ZNF608: variants seen among roughly 807,000 people sequenced by gnomAD.
ZNF608 encodes renal carcinoma antigen NY-REN-36.
ZNF608 carries 12 observed loss-of-function variants against 109.0 expected under a neutral mutation model. The ratio of observed to expected loss-of-function variants is 0.11; its 90% CI spans 0.07 to 0.18. The LOEUF (loss-of-function observed/expected upper bound fraction) is 0.18. Ranked by LOEUF, ZNF608 falls within the 10% of genes least tolerant of loss-of-function variation. ZNF608 has a pLI of 1.00. For synonymous variants in ZNF608, 732 were observed against 717.4 expected, an observed-to-expected ratio of 1.02 and a Z score of -0.33; for missense variants, 1,707 against 1,879.3, an observed-to-expected ratio of 0.91 and a Z score of 1.70.
intron 9 of ZNF608, chr5:124,638,853 T>C (rs1043316875): frequency 2.6e-6 from 3 of 1,139,086 alleles, no homozygotes; most frequent in South Asian, 3.9e-5. Flanking sequence ...AAGGGAGTCA[T>C]GGTGAATTAT....
chr5:124,732,021 C>A (rs1187673973), intron 2 of ZNF608, among the ~76,000 whole-genome samples: 1 of 152,124 alleles, frequency 6.6e-6, no homozygotes, highest in East Asian at 1.9e-4. Context: ...CCAATTCCTA[C>A]AATCCTCTTG....
At chr5:124,722,186 A>G (rs1396618397) in intron 2 of ZNF608, among the ~76,000 whole-genome samples, 1 of 152,128 alleles carries the variant, frequency 6.6e-6, no homozygotes, top group Non-Finnish European at 1.5e-5. Context: ...TCTGAAGCCC[A>G]GCTGACTAGA....
chr5:124,694,929 C>T (rs1239593338), intron 3 of ZNF608, among the ~76,000 whole-genome samples: 1 of 152,226 alleles, frequency 6.6e-6, no homozygotes, highest in Non-Finnish European at 1.5e-5. Context: ...GGAAAGTTCA[C>T]AGCCAATACA....
At chr5:124,643,420 G>A (rs1404268151) in intron 7 of ZNF608, 91 bp downstream of exon 7, 19 of 1,324,662 alleles carry the variant, frequency 1.4e-5, no homozygotes, top group Non-Finnish European at 1.7e-5. Context: ...GCTGGGTTCC[G>A]AAACCATTTA....
At chr5:124,650,014 A>G (rs532887380) in intron 3 of ZNF608, among the ~76,000 whole-genome samples, 1 of 152,326 alleles carries the variant, frequency 6.6e-6, no homozygotes, top group South Asian at 2.1e-4. Flanking sequence ...AGCAACACTC[A>G]CCTCTTAATT....
intron 2 of ZNF608, chr5:124,707,933 AG>A (rs1250131786): frequency 2.0e-5 from 3 of 152,268 alleles, no homozygotes; most frequent in Admixed American, 1.3e-4. Context: ...TCTTCCTTTC[AG>A]AACCATGATC....
chr5:124,666,257 T>C (rs1561546380), intron 3 of ZNF608: 1 of 152,260 alleles, frequency 6.6e-6, no homozygotes, highest in Non-Finnish European at 1.5e-5. Flanking sequence ...CCAGGCTAGA[T>C]AGTCAAGATT....
chr5:124,647,459 A>T lies in ZNF608; in HGVS notation c.2925T>A (p.Val975=). Residue 975 remains valine (V), a synonymous_variant, in exon 5 of 10, where the codon GTT becomes GTA. Coordinates refer to ENST00000513986, the MANE Select transcript of ZNF608 (RefSeq NM_020747.3). ...CTGTAGTTGAAGAATGCCCTTTTAC[A>T]ACACTGTCCTTACTAGAAATAATAT... ...PSDIISSKDS[V]VKGHSSTTAQ... is the part of the protein sequence containing the mutation. 1 of 1,614,226 alleles carries T rather than the reference A, an allele frequency of 6.2e-7. No homozygotes were observed. The highest frequency in any genetic ancestry group is 1.1e-5 in the South Asian group (1 of 91,088).
At chr5:124,680,822 G>A (rs917144802) in intron 3 of ZNF608, among the ~76,000 whole-genome samples, 2 of 152,096 alleles carry the variant, frequency 1.3e-5, no homozygotes. Context: ...AGAATAGAAG[G>A]CTTTTTAAGA....
intron 3 of ZNF608, among the ~76,000 whole-genome samples, chr5:124,687,488 T>C (rs779196917): frequency 1.3e-5 from 2 of 152,196 alleles, no homozygotes; most frequent in African/African-American, 4.8e-5. Context: ...ATGGGTATAA[T>C]GTGTATGTAT....
At chr5:124,685,618 G>GGA (rs1752379427) in intron 3 of ZNF608, among the ~76,000 whole-genome samples, 1 of 136,116 alleles carries the variant, frequency 7.3e-6, no homozygotes, top group Non-Finnish European at 1.6e-5. Context: ...AAATCTAGAG[G>GGA]AAAAAAAAAA....
At chr5:124,668,084 G>A (rs567558194) in intron 3 of ZNF608, among the ~76,000 whole-genome samples, 43 of 151,674 alleles carry the variant, frequency 2.8e-4, no homozygotes, top group Middle Eastern at 3.4e-3. Flanking sequence ...AGGCATGGTG[G>A]CTCATGCCTG....
Position 124,701,243 on chromosome 5 carries a change from C to A in ZNF608, c.933G>T (p.Ala311=), listed in dbSNP as rs540765354. 6.2e-7 allele frequency: 1 copy of A among 1,614,042 alleles called. No individual in the cohort carries two copies. The highest frequency in any genetic ancestry group is 8.5e-7 in the Non-Finnish European group (1 of 1,179,996). The change falls in exon 3 of 10, where the codon GCG becomes GCT. Residue 311 remains alanine (A), a synonymous_variant. Transcript: ENST00000513986. ...GACTGCTGGAAATCGGCGGTGGTGG[C>A]GCTGGCACTGTAAACAGGGGGTCAA... ...EKVDPLFTVP[A]PPPPISSSLT... is the part of the protein sequence containing the mutation.
At position 124,661,676 on chromosome 5, in the gene ZNF608, G is replaced by C. The variant is rs148614480; in HGVS notation, c.1163-11979C>G. Among the ~76,000 whole-genome samples, 347 of 152,272 alleles carry C rather than the reference G, an allele frequency of 2.3e-3. 1 individual carries two copies. The highest frequency in any genetic ancestry group is 8.2e-3 in the African/African-American group (341 of 41,538). On this transcript the variant is annotated intron_variant, in intron 3 of 9. Coordinates refer to ENST00000513986, the MANE Select transcript of ZNF608 (RefSeq NM_020747.3). ...TGCTGGAGCAGAACAAAACTTAGCT[G>C]GTTATTGATTGACCAGCCTGCTCGG...
rs548597737 is a variant in ZNF608, at chr5:124,746,375, C to G, written c.-364G>C. On this transcript the variant is annotated 5_prime_UTR_variant, in exon 1 of 10. Coordinates refer to ENST00000513986, the MANE Select transcript of ZNF608 (RefSeq NM_020747.3). ...TAACATTATTCCACCTCCCCACCCC[C>G]CTTTTGGCAAACGAATCAGTCCTTT... 2.2e-5 allele frequency: 22 copies of G among 985,262 alleles called. No individual in the cohort carries two copies. Among genetic ancestry groups the G allele is most frequent in the Admixed American group, 1.8e-4 (3 of 16,260 alleles). 61.0% of individuals were successfully genotyped at this position (985,262 alleles called of 1,614,324 possible).
Position 124,706,193 on chromosome 5 carries a change from T to C in ZNF608, c.907-4924A>G, listed in dbSNP as rs1410006025. Among the ~76,000 whole-genome samples the C allele has an allele frequency of 7.2e-5, 11 of 152,204 alleles. 1 individual carries two copies. The highest frequency in any genetic ancestry group is 7.2e-4 in the Admixed American group (11 of 15,280). ...TTCACTGGGGGTTGGAATCCAGCTC[T>C]ACTGTTAGCTACAAAACCTTAAGCA... On this transcript the variant is annotated intron_variant, in intron 2 of 9. Coordinates refer to ENST00000513986, the MANE Select transcript of ZNF608 (RefSeq NM_020747.3).
At chr5:124,653,324 C>T (rs1219371151) in intron 3 of ZNF608, among the ~76,000 whole-genome samples, 1 of 152,150 alleles carries the variant, frequency 6.6e-6, no homozygotes, top group Non-Finnish European at 1.5e-5. Context: ...AGCCTGAGAC[C>T]TCATAAGGAT....
chr5:124,667,464 G>GTCACCA (rs1404597595), intron 3 of ZNF608, among the ~76,000 whole-genome samples: 4 of 152,006 alleles, frequency 2.6e-5, no homozygotes, highest in Non-Finnish European at 5.9e-5. Flanking sequence ...CACCCCCACC[G>GTCACCA]TGGCTGGAAG....
At position 124,744,653 on chromosome 5, in the gene ZNF608, T is replaced by G; in HGVS notation, c.337A>C (p.Lys113Gln). Residue 113 changes from lysine to glutamine, a missense_variant, in exon 2 of 10, where the codon AAG (lysine) becomes CAG (glutamine). Physicochemically the swap from Lys to Gln is moderately conservative, Grantham distance 53 (BLOSUM62 1). Around this residue, in one of 7 missense-constraint regions of ZNF608, gnomAD observed 407 missense variants for 398.7 expected, o/e 1.02. Transcript: ENST00000513986. This position sits in a 1 kb window ranked among gnomAD's most constrained non-coding sequence, Gnocchi z 4.5. Reference sequence around the variant, plus strand: ...GAAGGCAGAGATTTATTAGCATCCTTAGAAGTTTTACTCCTTTTCACTTTT... The same window carrying G: ...GAAGGCAGAGATTTATTAGCATCCTGAGAAGTTTTACTCCTTTTCACTTTT... ...KSKVKRSKTSKDANKSLPSAA... is the reference protein window; with the variant it reads ...KSKVKRSKTSQDANKSLPSAA... 6.2e-7 allele frequency: 1 copy of G among 1,614,220 alleles called. No individual in the cohort carries two copies. The highest frequency in any genetic ancestry group is 8.5e-7 in the Non-Finnish European group (1 of 1,180,046).
Sources: allele counts gnomAD v4.1 joint callset (sites outside exome capture counted in the v4.1 genomes callset), GRCh38; gene constraint gnomAD v4.1.1; regional missense constraint gnomAD v4.1.1; non-coding constraint Gnocchi (gnomAD v3.1); transcripts MANE v1.5; gene names NCBI Gene and HGNC (gene_info 2026-07-23, HGNC 2026-07-21).